ENTPD1: variants seen among roughly 807,000 people sequenced by gnomAD.
ENTPD1 encodes the protein ATP diphosphohydrolase.
In ENTPD1, 33 loss-of-function variants were observed where a neutral mutation model predicts 57.0. That is an observed-to-expected ratio of 0.58 (90% CI 0.44 to 0.77). ENTPD1 has a LOEUF of 0.77. Among genes scored for constraint, ENTPD1 ranks in the 30% least tolerant of loss-of-function variants. The pLI, the probability that ENTPD1 is intolerant of heterozygous loss-of-function variation, is 0.00. For missense variants in ENTPD1, 501 were observed against 603.4 expected, an observed-to-expected ratio of 0.83 and a Z score of 1.78; for synonymous variants, 202 against 218.8, an observed-to-expected ratio of 0.92 and a Z score of 0.68.
intron 1 of ENTPD1, among the ~76,000 whole-genome samples, chr10:95,802,662 G>C (rs1308714372): frequency 6.6e-6 from 1 of 152,148 alleles, no homozygotes; most frequent in Non-Finnish European, 1.5e-5. Context: ...CTGTGTCCAA[G>C]TGATCTCATT....
chr10:95,703,893 C>G, the ENTPD1 span, among the ~76,000 whole-genome samples: 1 of 151,474 alleles, frequency 6.6e-6, no homozygotes, highest in Non-Finnish European at 1.5e-5. Context: ...GAGTTCATGA[C>G]CAGCCTGGAC....
chr10:95,706,633 T>TGG, the ENTPD1 span, among the ~76,000 whole-genome samples: 1 of 152,202 alleles, frequency 6.6e-6, no homozygotes, highest in East Asian at 1.9e-4. Context: ...TCTTTGCAGC[T>TGG]TGTTGTCCCC....
intron 1 of ENTPD1, among the ~76,000 whole-genome samples, chr10:95,809,444 G>GGCC (rs2098289068): frequency 1.4e-5 from 2 of 140,362 alleles, no homozygotes; most frequent in African/African-American, 2.7e-5. Flanking sequence ...CAGACGGGGC[G>GGCC]GCCGGGCAGA....
chr10:95,712,589 C>CT (rs1202767982), intron 1 of ENTPD1, among the ~76,000 whole-genome samples: 2 of 152,176 alleles, frequency 1.3e-5, no homozygotes, highest in African/African-American at 4.8e-5. Flanking sequence ...TAAGTTCCAT[C>CT]TGTAAGGGGC....
intron 1 of ENTPD1, among the ~76,000 whole-genome samples, chr10:95,771,850 G>T (rs1423077958): frequency 1.3e-5 from 2 of 152,072 alleles, no homozygotes; most frequent in Non-Finnish European, 2.9e-5. Flanking sequence ...GAGTTTTCCT[G>T]ACTTCTTTTT....
intron 1 of ENTPD1, among the ~76,000 whole-genome samples, chr10:95,783,710 T>TAAA (rs199944809): frequency 7.4e-6 from 1 of 135,518 alleles, no homozygotes. Flanking sequence ...CAGGTAGGCA[T>TAAA]AAAAAAAAAA....
intron 1 of ENTPD1, among the ~76,000 whole-genome samples, chr10:95,724,186 A>AG (rs1160397242): frequency 2.1e-5 from 3 of 141,848 alleles, no homozygotes; most frequent in Non-Finnish European, 3.1e-5. Flanking sequence ...AAAAAAAAAA[A>AG]GCCCTTTCCC....
intron 5 of ENTPD1, 199 bp downstream of exon 5, chr10:95,844,834 T>C (rs555016545): frequency 5.7e-6 from 4 of 703,020 alleles, no homozygotes; most frequent in East Asian, 5.5e-5. Flanking sequence ...CCTTCTACTA[T>C]TGGGAGAATA....
rs142436974 is a variant in ENTPD1 at position 95,768,874 on chromosome 10, G to A, written c.16+12619G>A. On this transcript the variant is annotated intron_variant, in intron 1 of 9. Transcript: ENST00000371205. ...GAAAAGAGATTCCTTTTGTATGTAT[G>A]TATGGATGAATGTGTTTTTCACCTT... 5.9e-5 allele frequency among the ~76,000 whole-genome samples: 9 copies of A among 152,246 alleles called. No individual in the cohort carries two copies. In the East Asian group the frequency reaches 1.7e-3, roughly 29 times the overall value.
At chr10:95,765,075 T>A (rs547827007) in intron 1 of ENTPD1, among the ~76,000 whole-genome samples, 1 of 152,300 alleles carries the variant, frequency 6.6e-6, no homozygotes, top group African/African-American at 2.4e-5. Context: ...TTGCAATGAT[T>A]CCTTATATAT....
intron 2 of ENTPD1, among the ~76,000 whole-genome samples, chr10:95,828,598 T>C (rs1485014749): frequency 6.6e-6 from 1 of 152,106 alleles, no homozygotes; most frequent in African/African-American, 2.4e-5. Context: ...AAAGAATTCC[T>C]CCTAAGGCAT....
chr10:95,749,537 C>T (rs2098009588), intron 1 of ENTPD1, among the ~76,000 whole-genome samples: 3 of 152,166 alleles, frequency 2.0e-5, no homozygotes, highest in Admixed American at 2.0e-4. Context: ...TCCAAAGGGC[C>T]TTAGGCCATT....
intron 1 of ENTPD1, among the ~76,000 whole-genome samples, chr10:95,775,807 A>G (rs539700101): frequency 6.6e-6 from 1 of 152,266 alleles, no homozygotes; most frequent in Admixed American, 6.5e-5. Flanking sequence ...GACTCGCTTT[A>G]TGAATCTGGG....
In ENTPD1 at chr10:95,844,640, A is replaced by G; in HGVS notation, c.573+5A>G. On this transcript the variant is annotated splice_donor_5th_base_variant and intron_variant, in intron 5 of 9. Coordinates refer to ENST00000371205, the MANE Select transcript of ENTPD1 (RefSeq NM_001776.6). Reference sequence around the variant, plus strand: ...CTGCTGGGCAAATTCAGTCAGGTGAATATCTCACAGCATCCATGGAGGTGG... The same window carrying G: ...CTGCTGGGCAAATTCAGTCAGGTGAGTATCTCACAGCATCCATGGAGGTGG... 2.5e-6 allele frequency: 4 copies of G among 1,614,068 alleles called. No individual in the cohort carries two copies. The highest frequency in any genetic ancestry group is 2.2e-5 in the East Asian group (1 of 44,878).
At chr10:95,855,762 G>A (rs887321510) in intron 7 of ENTPD1, among the ~76,000 whole-genome samples, 3 of 152,176 alleles carry the variant, frequency 2.0e-5, no homozygotes, top group East Asian at 1.9e-4. Flanking sequence ...TTGAATATTG[G>A]CTACCACTCT....
chr10:95,741,312 G>A (rs1424166933), intron 1 of ENTPD1, among the ~76,000 whole-genome samples: 1 of 152,052 alleles, frequency 6.6e-6, no homozygotes, highest in Non-Finnish European at 1.5e-5. Context: ...GACAGTGAGT[G>A]GAACAATCAG....
rs183897535 is a variant in ENTPD1, at chr10:95,828,119, C to T, written c.144+4755C>T. 1.9e-3 allele frequency among the ~76,000 whole-genome samples: 293 copies of T among 152,274 alleles called. 5 individuals are homozygous for T. Among genetic ancestry groups the T allele is most frequent in the African/African-American group, 6.5e-3 (271 of 41,554 alleles). On this transcript the variant is annotated intron_variant, in intron 2 of 9. Transcript: ENST00000371205. The stretch of plus-strand genomic sequence containing the variant: ...CAGCAGGAGGTGAGGAACACGCGAG[C>T]GAGCAAAGCTTCATCTGTATTTACA...
chr10:95,734,399 A>G (rs992916872), intron 1 of ENTPD1, among the ~76,000 whole-genome samples: 2 of 152,232 alleles, frequency 1.3e-5, no homozygotes, highest in African/African-American at 2.4e-5. Flanking sequence ...TGCTCCATGC[A>G]TAAAAAACAG....
At chr10:95,842,579 C>A in intron 4 of ENTPD1, 85 bp downstream of exon 4, 2 of 1,463,274 alleles carry the variant, frequency 1.4e-6, no homozygotes, top group Non-Finnish European at 1.9e-6. Context: ...AAGGGCCACA[C>A]TCCCTAATAC....
Sources: gnomAD v4.1 joint callset for allele counts (sites outside exome capture counted in the v4.1 genomes callset) on GRCh38, gnomAD v4.1.1 for gene constraint, MANE v1.5 for transcripts, NCBI Gene and HGNC (gene_info 2026-07-23, HGNC 2026-07-21) for gene names.